R3HCC1: variants seen among roughly 807,000 people sequenced by gnomAD.
The protein encoded by R3HCC1 is R3H and coiled-coil domain-containing protein 1.
Under a neutral mutation model 40.0 loss-of-function variants are expected in R3HCC1, and 32 were observed. The observed-to-expected ratio is 0.80, with a 90% CI of 0.60 to 1.07. R3HCC1 has a LOEUF of 1.07. Among genes scored for constraint, R3HCC1 ranks in the 50% least tolerant of loss-of-function variants. The probability of loss-of-function intolerance (pLI) is 0.00; values close to 1 mark genes in which losing one functional copy is unlikely to be tolerated. For missense variants in R3HCC1, 586 were observed against 563.3 expected (o/e 1.04, Z -0.41); for synonymous variants, 237 against 232.8 (o/e 1.02, Z -0.17).
In R3HCC1 at chr8:23,290,087, T is replaced by A; in HGVS notation, c.470T>A (p.Leu157His). ...TGGGGGCTGACCTCTACCTCGGTGC[T>A]CAAGAGAGAGGCCCCAGCTGGCAGG... The change falls in exon 4 of 8, where the codon CTC (leucine) becomes CAC (histidine). Residue 157 changes from leucine (L) to histidine (H), a missense_variant. Transcript: ENST00000265806. The A allele has an allele frequency of 6.5e-7, 1 of 1,550,158 alleles. No individual in the cohort carries two copies. The highest frequency in any genetic ancestry group is 2.0e-5 in the Admixed American group (1 of 51,012).
At position 23,290,186 on chromosome 8, in the gene R3HCC1, A is replaced by G. The variant is rs773178044; in HGVS notation, c.569A>G (p.Gln190Arg). Residue 190 changes from glutamine to arginine, a missense_variant, in exon 4 of 8, where the codon CAG becomes CGG. Physicochemically the swap from Gln to Arg is conservative, Grantham distance 43. Coordinates refer to ENST00000265806, the MANE Select transcript of R3HCC1 (RefSeq NM_001136108.3). ...CAGGGACTCCCTGTGCTGATGACTC[A>G]GGGAACAGAGGACCTAAAGGGCCCA... 70 of 1,551,650 alleles carry G rather than the reference A, an allele frequency of 4.5e-5. No homozygotes were observed. The highest frequency in any genetic ancestry group is 5.3e-5 in the Non-Finnish European group (61 of 1,147,002).
intron 2 of R3HCC1, 46 bp from the exon 3 acceptor site, chr8:23,288,970 C>T: frequency 6.5e-7 from 1 of 1,532,312 alleles, no homozygotes; most frequent in Non-Finnish European, 8.7e-7. Context: ...CTGGTAGGGG[C>T]CAGGCCCTGG....
Position 23,290,270 on chromosome 8 carries a change from C to T in R3HCC1, c.653C>T (p.Pro218Leu). ...CCTGTTGGCCCTGAGCCTCTGGGGC[C>T]TGAGAGTCAGTCAGGGAAGGGAGAC... Residue 218 changes from proline to leucine, a missense_variant, in exon 4 of 8, where the codon CCT (proline) becomes CTT (leucine). Pro to Leu is a moderately conservative substitution (Grantham distance 98, BLOSUM62 -3). Transcript: ENST00000265806. 1.3e-6 allele frequency: 2 copies of T among 1,551,744 alleles called. No homozygotes were observed. Among genetic ancestry groups the T allele is most frequent in the South Asian group, 1.2e-5 (1 of 84,060 alleles).
rs535884290 is a variant in R3HCC1, at chr8:23,288,259, A to G, written c.-19+102A>G. ...GGAGCAGGCCCCCGTGAGCCCCGGG[A>G]AGGAGCGCAGCGCAGGGTGTGGAGC... On this transcript the variant is annotated intron_variant, in intron 1 of 7. Transcript: ENST00000265806. 5,458 of 1,161,348 alleles carry G rather than the reference A, an allele frequency of 4.7e-3. 14 individuals are homozygous for G. The highest frequency in any genetic ancestry group is 5.7e-3 in the Non-Finnish European group (5,060 of 890,180). The allele number at this position is 1,161,348 out of a possible 1,614,324, so 71.9% of individuals were successfully genotyped here.
In R3HCC1 at chr8:23,296,139, G is replaced by A; in HGVS notation, c.*42G>A. On this transcript the variant is annotated 3_prime_UTR_variant, in exon 8 of 8. Coordinates refer to ENST00000265806, the MANE Select transcript of R3HCC1 (RefSeq NM_001136108.3). ...TGGCCTGGATCTGCGTCCCGACGTA[G>A]CTGGCGCCCCCAACACCATAAGCCT... The A allele has an allele frequency of 1.3e-6, 2 of 1,529,158 alleles. No individual in the cohort carries two copies. Among genetic ancestry groups the A allele is most frequent in the South Asian group, 1.2e-5 (1 of 81,718 alleles). The allele number at this position is 1,529,158 out of a possible 1,614,324, so 94.7% of individuals were successfully genotyped here.
chr8:23,293,265 G>A (rs1190049103), intron 5 of R3HCC1, 38 bp from the exon 6 acceptor site: 1 of 1,417,984 alleles, frequency 7.1e-7, no homozygotes, highest in Admixed American at 2.0e-5. Context: ...TTGACTGCTT[G>A]CTTTCCTGAA....
intron 6 of R3HCC1, among the ~76,000 whole-genome samples, chr8:23,294,017 TC>T (rs1353087610): frequency 6.6e-6 from 1 of 152,150 alleles, no homozygotes; most frequent in Non-Finnish European, 1.5e-5. Context: ...TTACTGGTCT[TC>T]CCAGAAACAG....
At chr8:23,288,982 C>CACCT in intron 2 of R3HCC1, 34 bp from the exon 3 acceptor site, 1 of 1,535,210 alleles carries the variant, frequency 6.5e-7, no homozygotes, top group Non-Finnish European at 8.7e-7. Context: ...AGGCCCTGGA[C>CACCT]ACCTGCTCAG....
chr8:23,294,521 T>A (rs1336749853), intron 6 of R3HCC1, among the ~76,000 whole-genome samples: 1 of 152,180 alleles, frequency 6.6e-6, no homozygotes, highest in East Asian at 1.9e-4. Flanking sequence ...GCCTCCCCAG[T>A]GCTCTCCCTG....
intron 6 of R3HCC1, 47 bp downstream of exon 6, chr8:23,293,420 G>C: frequency 6.9e-7 from 1 of 1,447,636 alleles, no homozygotes; most frequent in Non-Finnish European, 9.5e-7. Flanking sequence ...TCCCTGTTGA[G>C]AGGGAGGACC....
chr8:23,289,931 A>C lies in R3HCC1; in HGVS notation c.314A>C (p.His105Pro). 1 of 1,535,920 alleles carries C rather than the reference A, an allele frequency of 6.5e-7. No homozygotes were observed. Among genetic ancestry groups the C allele is most frequent in the Non-Finnish European group, 8.7e-7 (1 of 1,146,792 alleles). ...CCTGCCTCCTGCCCCAGCAGGTACC[A>C]CGGTCCTCGGCCCATCTCCAACCAA... The change falls in exon 4 of 8, where the codon CAC (histidine) becomes CCC (proline). Residue 105 changes from histidine to proline, a missense_variant. His to Pro is a moderately conservative substitution (Grantham distance 77). Transcript: ENST00000265806.
chr8:23,295,891 T>C lies in R3HCC1; in HGVS notation c.1193-76T>C, dbSNP rs1324502551. On this transcript the variant is annotated intron_variant, in intron 7 of 7. Transcript: ENST00000265806. ...ATGAGAGGCTGGCTCTGATGGCTTG[T>C]ACGGCTGCTGTGTTGCTGGGGGAGA... is the stretch of plus-strand genomic sequence containing the variant. The C allele has an allele frequency of 3.6e-5, 53 of 1,477,468 alleles. 2 individuals are homozygous for C. Among genetic ancestry groups the C allele is most frequent in the Non-Finnish European group, 6.3e-6 (7 of 1,107,464 alleles). 91.5% of individuals were successfully genotyped at this position (1,477,468 alleles called of 1,614,324 possible). A position where few individuals can be genotyped will look rare whatever the true frequency, so the allele number is the denominator to read the frequency against.
In R3HCC1 at chr8:23,289,913, C is replaced by T; in HGVS notation, c.296C>T (p.Ser99Phe). ...TCTGGCCCCTGCCGCGCTCCTGCCTCCTGCCCCAGCAGGTACCACGGTCCT... is the reference window on the plus strand; with the variant it reads ...TCTGGCCCCTGCCGCGCTCCTGCCTTCTGCCCCAGCAGGTACCACGGTCCT... Residue 99 changes from serine (S) to phenylalanine (F), a missense_variant, in exon 4 of 8, where the codon TCC becomes TTC. Ser to Phe is a radical substitution (Grantham distance 155). Transcript: ENST00000265806. The T allele has an allele frequency of 6.5e-7, 1 of 1,534,784 alleles. No homozygotes were observed. The highest frequency in any genetic ancestry group is 8.7e-7 in the Non-Finnish European group (1 of 1,146,010).
At chr8:23,288,479 T>A (rs1191291317) in intron 1 of R3HCC1, 27 bp from the exon 2 acceptor site, 7 of 1,535,024 alleles carry the variant, frequency 4.6e-6, no homozygotes, top group Admixed American at 2.0e-5. Flanking sequence ...GTGCTCTGAT[T>A]CCCGGCCCTG....
intron 7 of R3HCC1, chr8:23,295,410 A>G (rs919837682): frequency 4.4e-6 from 2 of 454,854 alleles, no homozygotes; most frequent in Non-Finnish European, 4.4e-6. Context: ...GGCACATAGA[A>G]GGTACCAGAT....
intron 5 of R3HCC1, 42 bp downstream of exon 5, chr8:23,291,575 A>G: frequency 6.5e-7 from 1 of 1,544,964 alleles, no homozygotes; most frequent in Non-Finnish European, 8.7e-7. Flanking sequence ...GAGAGGAGCT[A>G]AGATACTTCT....
chr8:23,294,196 G>A (rs2117126637), intron 6 of R3HCC1, among the ~76,000 whole-genome samples: 1 of 152,288 alleles, frequency 6.6e-6, no homozygotes, highest in South Asian at 2.1e-4. Context: ...CCAAGAGGCT[G>A]CCCTGTGCTG....
intron 6 of R3HCC1, among the ~76,000 whole-genome samples, chr8:23,293,656 C>T (rs1019844411): frequency 6.6e-5 from 10 of 152,302 alleles, no homozygotes; most frequent in East Asian, 1.9e-4. Flanking sequence ...CCAAGCCCAA[C>T]GGATGTCCCT....
chr8:23,288,838 GGA>G (rs1802796183), intron 2 of R3HCC1, among the ~76,000 whole-genome samples, 176 bp from the exon 3 acceptor site: 1 of 152,186 alleles, frequency 6.6e-6, no homozygotes, highest in African/African-American at 2.4e-5. Context: ...CAGGGATTGG[GGA>G]TGGGACCTGT....
Sources: allele counts gnomAD v4.1 joint callset (sites outside exome capture counted in the v4.1 genomes callset), GRCh38; gene constraint gnomAD v4.1.1; transcripts MANE v1.5; gene names NCBI Gene and HGNC (gene_info 2026-07-23, HGNC 2026-07-21).